Variants in COL3A1 observed in about 807,000 individuals in gnomAD.
COL3A1 encodes the protein collagen alpha-1(III) chain.
A neutral mutation model predicts 200.9 loss-of-function variants in COL3A1; 46 were observed. The observed-to-expected ratio is 0.23, with a 90% CI of 0.18 to 0.29. COL3A1 has a LOEUF of 0.29. Among genes scored for constraint, COL3A1 ranks in the 10% least tolerant of loss-of-function variants. The pLI is 1.00. For synonymous variants in COL3A1, 650 were observed against 628.0 expected (o/e 1.03, Z -0.52); for missense variants, 1,367 against 1,917.6 (o/e 0.71, Z 5.36).
chr2:189,007,137 ATATTTG>A (rs1307178243), intron 44 of COL3A1, 147 bp downstream of exon 44: 1 of 183,084 alleles, frequency 5.5e-6, no homozygotes, highest in Non-Finnish European at 9.9e-6. Context: ...ATATATATAT[ATATTTG>A]TTCTATCTAT....
In COL3A1 at chr2:188,992,228, A is replaced by G. The variant is rs1229792348; in HGVS notation, c.996A>G (p.Pro332=). 6.2e-6 allele frequency: 10 copies of G among 1,613,702 alleles called. No homozygotes were observed. Among genetic ancestry groups the G allele is most frequent in the South Asian group, 3.3e-5 (3 of 91,084 alleles). The change falls in exon 14 of 51, where the codon CCA becomes CCG. Residue 332 remains proline, a splice_region_variant and synonymous_variant. Coordinates refer to ENST00000304636, the MANE Select transcript of COL3A1 (RefSeq NM_000090.4). ...GTGCTCGAGGCAGTGATGGTCAACC[A>G]GTAAGTAACTTTCTATCTCTTATGT... ...NDGARGSDGQ[P]GPPGPPGTAG... is the part of the protein sequence containing the mutation.
Position 188,990,497 on chromosome 2 carries a change from AGTTT to A in COL3A1, c.798+145_798+148del, listed in dbSNP as rs1025186699. ...TAATTTGATATTTTTAAGTCTACTA[AGTTT>A]GTTTGTTGACCAAACTAGTCATTTT... On this transcript the variant is annotated intron_variant, in intron 10 of 50. Transcript: ENST00000304636. 141 of 829,872 alleles carry A rather than the reference AGTTT, an allele frequency of 1.7e-4. No homozygotes were observed. In the African/African-American group the frequency reaches 1.9e-3, roughly 11 times the overall value. The allele number at this position is 829,872 out of a possible 1,614,324, so 51.4% of individuals were successfully genotyped here.
chr2:189,007,863 T>C, intron 45 of COL3A1, 22 bp from the exon 46 acceptor site: 2 of 1,613,602 alleles, frequency 1.2e-6, no homozygotes, highest in Middle Eastern at 1.8e-4. Context: ...TTCACTCCTA[T>C]GTACACTTCC....
Position 188,994,385 on chromosome 2 carries a change from C to A in COL3A1, c.1293+53C>A. ...ACTGAAAGGTATAGTTTAATTCCAT[C>A]AACAAAAAATTAATAGCAAAATTTT... On this transcript the variant is annotated intron_variant, in intron 18 of 50. Coordinates refer to ENST00000304636, the MANE Select transcript of COL3A1 (RefSeq NM_000090.4). This position sits in a 1 kb window ranked among gnomAD's most constrained non-coding sequence, Gnocchi z 4.5. 6.2e-7 allele frequency: 1 copy of A among 1,606,354 alleles called. No homozygotes were observed. The highest frequency in any genetic ancestry group is 8.5e-7 in the Non-Finnish European group (1 of 1,173,898).
chr2:189,008,731 T>C (rs1688650817), intron 47 of COL3A1, 193 bp from the exon 48 acceptor site: 1 of 628,476 alleles, frequency 1.6e-6, no homozygotes, highest in African/African-American at 1.8e-5. Flanking sequence ...AATATCTTTC[T>C]TGATAATGAA....
intron 8 of COL3A1, 26 bp downstream of exon 8, chr2:188,989,475 A>T (rs1688133648): frequency 6.4e-7 from 1 of 1,561,512 alleles, no homozygotes; most frequent in African/African-American, 1.4e-5. Flanking sequence ...TTAAATAAGA[A>T]TACAGCAAAA....
intron 1 of COL3A1, among the ~76,000 whole-genome samples, chr2:188,981,042 G>A (rs2153500927): frequency 6.6e-6 from 1 of 151,054 alleles, no homozygotes; most frequent in Admixed American, 6.6e-5. Context: ...GGTGCTTTAG[G>A]GAATAATATT....
intron 21 of COL3A1, 44 bp from the exon 22 acceptor site, chr2:188,995,648 G>C (rs772144501): frequency 7.3e-7 from 1 of 1,364,122 alleles, no homozygotes; most frequent in Non-Finnish European, 1.0e-6. Context: ...ATCTAGGTTA[G>C]TGAAGGCTAT....
At chr2:188,982,295 AC>A (rs1434625950) in intron 1 of COL3A1, among the ~76,000 whole-genome samples, 3 of 151,766 alleles carry the variant, frequency 2.0e-5, no homozygotes, top group Non-Finnish European at 4.4e-5. Context: ...ATTGCATTTG[AC>A]CCAATTTTAA....
chr2:188,994,422 G>T lies in COL3A1; in HGVS notation c.1293+90G>T. ...AATAGCAAAATTTTGCTCCTGTTCAGTTGAATTTATATTGACTTCACTCTT... is the reference window on the plus strand; with the variant it reads ...AATAGCAAAATTTTGCTCCTGTTCATTTGAATTTATATTGACTTCACTCTT... On this transcript the variant is annotated intron_variant, in intron 18 of 50. Transcript: ENST00000304636. This position sits in a 1 kb window ranked among gnomAD's most constrained non-coding sequence, Gnocchi z 4.5. The T allele has an allele frequency of 6.3e-7, 1 of 1,578,806 alleles. No homozygotes were observed. The highest frequency in any genetic ancestry group is 1.1e-5 in the South Asian group (1 of 89,870).
chr2:189,007,734 T>C, intron 45 of COL3A1, 127 bp downstream of exon 45: 1 of 1,244,174 alleles, frequency 8.0e-7, no homozygotes, highest in Non-Finnish European at 1.2e-6. Context: ...AAGGCTAATT[T>C]GAAACAACAA....
chr2:189,003,134 CCT>C (rs1688506910), intron 36 of COL3A1, 72 bp downstream of exon 36: 60 of 1,222,472 alleles, frequency 4.9e-5, no homozygotes, highest in Non-Finnish European at 6.2e-5. Context: ...TCTATCTCTC[CCT>C]CTCTCTCTCC....
Position 188,977,735 on chromosome 2 carries a change from C to T in COL3A1, c.79+3167C>T, listed in dbSNP as rs145839428. Among the ~76,000 whole-genome samples the T allele has an allele frequency of 3.6e-3, 546 of 151,956 alleles. 7 individuals carry two copies. The highest frequency in any genetic ancestry group is 0.027 in the Admixed American group (406 of 15,242). ...CATTAAAATCAGATATTTGAATTTT[C>T]TTAATTTTGTAACTATTTGTCATTG... On this transcript the variant is annotated intron_variant, in intron 1 of 50. Coordinates refer to ENST00000304636, the MANE Select transcript of COL3A1 (RefSeq NM_000090.4).
At chr2:188,992,251 T>G in intron 14 of COL3A1, 23 bp downstream of exon 14, 2 of 1,611,112 alleles carry the variant, frequency 1.2e-6, no homozygotes, top group Non-Finnish European at 1.7e-6. Context: ...CTATCTCTTA[T>G]GTGTTGTAGG....
chr2:188,995,736 A>G lies in COL3A1; in HGVS notation c.1554A>G (p.Arg518=). ...GTGCTCCAGGCCCTGCAGGGCCCAG[A>G]GGAGCTGCTGGAGAACCTGGCAGAG... is the stretch of plus-strand genomic sequence containing the variant. ...ERGAPGPAGP[R]GAAGEPGRDG... The change falls in exon 22 of 51, where the codon AGA becomes AGG. Residue 518 remains arginine, a synonymous_variant. Transcript: ENST00000304636. The G allele has an allele frequency of 6.4e-7, 1 of 1,567,666 alleles. No homozygotes were observed. Among genetic ancestry groups the G allele is most frequent in the East Asian group, 2.4e-5 (1 of 42,294 alleles).
In COL3A1 at chr2:188,988,745, A is replaced by C. The variant is rs1253113489; in HGVS notation, c.636+102A>C. 6.4e-6 allele frequency: 5 copies of C among 783,732 alleles called. No individual in the cohort carries two copies. In the Admixed American group the frequency reaches 1.2e-4, roughly 19 times the overall value. The allele number at this position is 783,732 out of a possible 1,614,324, so 48.5% of individuals were successfully genotyped here. ...TAGGTCTTTACAGAATGAAGATTAA[A>C]TTTACCCTTAAGTTTGTAAATAACG... On this transcript the variant is annotated intron_variant, in intron 7 of 50. Coordinates refer to ENST00000304636, the MANE Select transcript of COL3A1 (RefSeq NM_000090.4).
At chr2:188,976,769 A>G (rs1169766219) in intron 1 of COL3A1, among the ~76,000 whole-genome samples, 1 of 152,180 alleles carries the variant, frequency 6.6e-6, no homozygotes, top group Non-Finnish European at 1.5e-5. Context: ...TATTTAATTC[A>G]TGTGTTTTAA....
Position 188,996,117 on chromosome 2 carries a change from TA to T in COL3A1, c.1609-7del, listed in dbSNP as rs1418912207. 1 of 1,613,134 alleles carries T rather than the reference TA, an allele frequency of 6.2e-7. No homozygotes were observed. ...TAAATCACCTAACAACTGACTTCTT[TA>T]CTTCAGGGCATGCCCGGAAGTCCAG... On this transcript the variant is annotated splice_region_variant and splice_polypyrimidine_tract_variant and intron_variant, in intron 22 of 50. Coordinates refer to ENST00000304636, the MANE Select transcript of COL3A1 (RefSeq NM_000090.4).
At chr2:188,983,037 A>G (rs1351799725) in intron 1 of COL3A1, among the ~76,000 whole-genome samples, 1 of 151,936 alleles carries the variant, frequency 6.6e-6, no homozygotes, top group African/African-American at 2.4e-5. Context: ...CACCATTCAA[A>G]TAGGCCTACT....
Sources: allele counts gnomAD v4.1 joint callset (sites outside exome capture counted in the v4.1 genomes callset), GRCh38; gene constraint gnomAD v4.1.1; non-coding constraint Gnocchi (gnomAD v3.1); transcripts MANE v1.5; gene names NCBI Gene and HGNC (gene_info 2026-07-23, HGNC 2026-07-21).